KAZN: variants seen among roughly 807,000 people sequenced by gnomAD.
KAZN encodes the protein kazrin, periplakin interacting protein.
Under a neutral mutation model 87.4 loss-of-function variants are expected in KAZN, and 40 were observed. That is an observed-to-expected ratio of 0.46 (90% confidence interval 0.36 to 0.60). KAZN has a LOEUF of 0.60. KAZN is among the 20% of genes least tolerant of loss of function. The pLI is 0.00. For missense variants in KAZN, 898 were observed against 1,073.9 expected (o/e 0.84, Z 2.29); for synonymous variants, 466 against 458.3 (o/e 1.02, Z -0.22).
chr1:14,050,204 A>G (rs922016175), intron 1 of KAZN, among the ~76,000 whole-genome samples: 5 of 149,002 alleles, frequency 3.4e-5, no homozygotes, highest in African/African-American at 1.0e-4. Context: ...ATATGTGCAC[A>G]TGTGTGGGCA....
At chr1:14,928,750 C>G (rs975300867) in intron 1 of KAZN, among the ~76,000 whole-genome samples, 2 of 152,214 alleles carry the variant, frequency 1.3e-5, no homozygotes, top group African/African-American at 4.8e-5. Flanking sequence ...GAGCATACTT[C>G]TGCTAGCAGG....
At position 14,369,383 on chromosome 1, in the gene KAZN, T is replaced by C. The variant is rs116544246; in HGVS notation, c.249+188791T>C. 6.6e-3 allele frequency among the ~76,000 whole-genome samples: 1,012 copies of C among 152,268 alleles called. 11 individuals are homozygous for C. Among genetic ancestry groups the C allele is most frequent in the African/African-American group, 0.023 (959 of 41,550 alleles). ...ACCTTAAAGGATGTGCATGAGCCTA[T>C]TGTTTAAAATGCAGCCTCCACGAGA... is the stretch of plus-strand genomic sequence containing the variant. On this transcript the variant is annotated intron_variant, in intron 2 of 16. Coordinates refer to the KAZN transcript ENST00000636203.
intron 2 of KAZN, among the ~76,000 whole-genome samples, chr1:14,198,048 G>T (rs1646564931): frequency 6.6e-6 from 1 of 152,080 alleles, no homozygotes; most frequent in African/African-American, 2.4e-5. Context: ...AGTAGTTGTT[G>T]TAGTCGTAGT....
chr1:14,059,325 G>A (rs193157066), intron 1 of KAZN, among the ~76,000 whole-genome samples: 276 of 152,330 alleles, frequency 1.8e-3, no homozygotes, highest in African/African-American at 6.6e-3. Context: ...GTCTGTGGCT[G>A]AAGGCCTGAG....
chr1:14,693,593 C>T (rs1641441842), intron 1 of KAZN, among the ~76,000 whole-genome samples: 1 of 152,208 alleles, frequency 6.6e-6, no homozygotes, highest in African/African-American at 2.4e-5. Context: ...TGCCCATCAC[C>T]TTACCCTTGA....
chr1:14,024,728 G>T lies in KAZN; in HGVS notation c.91+130972G>T, dbSNP rs116244726. ...AAGGTGTGGGATAAACCCAGGGGAGGGAGTGGCACATTTGTATAAAGAAGC... is the reference window on the plus strand; with the variant it reads ...AAGGTGTGGGATAAACCCAGGGGAGTGAGTGGCACATTTGTATAAAGAAGC... On this transcript the variant is annotated intron_variant, in intron 1 of 16. Coordinates refer to the KAZN transcript ENST00000636203. Among the ~76,000 whole-genome samples the T allele has an allele frequency of 4.6e-3, 697 of 152,278 alleles. 8 individuals carry two copies. The highest frequency in any genetic ancestry group is 0.016 in the African/African-American group (667 of 41,550).
chr1:14,276,522 G>A (rs1233341180), intron 2 of KAZN, among the ~76,000 whole-genome samples: 2 of 152,134 alleles, frequency 1.3e-5, no homozygotes, highest in Admixed American at 6.5e-5. Flanking sequence ...GTTCCTCTGA[G>A]GGATGTGGAG....
intron 1 of KAZN, among the ~76,000 whole-genome samples, chr1:13,979,802 G>T (rs1026813021): frequency 2.0e-5 from 3 of 151,926 alleles, no homozygotes; most frequent in African/African-American, 4.8e-5. Context: ...GTAGTGGCAG[G>T]TGCCTGTAGT....
At chr1:15,007,420 A>T (rs1249516544) in intron 2 of KAZN, among the ~76,000 whole-genome samples, 1 of 152,230 alleles carries the variant, frequency 6.6e-6, no homozygotes, top group East Asian at 1.9e-4. Context: ...TGAGGTGCAG[A>T]CATTACGGTC....
At chr1:14,360,431 G>A (rs1162552547) in intron 2 of KAZN, among the ~76,000 whole-genome samples, 1 of 152,062 alleles carries the variant, frequency 6.6e-6, no homozygotes, top group African/African-American at 2.4e-5. Flanking sequence ...ACATTCTAAA[G>A]CCTACTTCTG....
intron 1 of KAZN, among the ~76,000 whole-genome samples, chr1:14,654,493 G>C (rs1638663866): frequency 6.6e-6 from 1 of 152,018 alleles, no homozygotes; most frequent in Non-Finnish European, 1.5e-5. Flanking sequence ...ACCAGGAGGA[G>C]AGGAGTTTCA....
intron 2 of KAZN, among the ~76,000 whole-genome samples, chr1:14,484,031 A>G (rs370262312): frequency 3.3e-5 from 5 of 152,204 alleles, no homozygotes; most frequent in African/African-American, 1.2e-4. Context: ...TCTTCTCCTC[A>G]TTGTACTTTC....
chr1:14,936,099 G>A (rs957467174), intron 1 of KAZN, among the ~76,000 whole-genome samples: 2 of 152,232 alleles, frequency 1.3e-5, no homozygotes, highest in Non-Finnish European at 2.9e-5. Context: ...CCAGTGTGTG[G>A]AAAGGCAGGG....
chr1:14,129,196 G>A (rs1644938024), intron 1 of KAZN, among the ~76,000 whole-genome samples: 1 of 152,100 alleles, frequency 6.6e-6, no homozygotes, highest in Non-Finnish European at 1.5e-5. Flanking sequence ...CAGTTGAATG[G>A]GTCTTTGTGC....
At chr1:14,748,692 T>G (rs1398354310) in intron 1 of KAZN, among the ~76,000 whole-genome samples, 1 of 152,210 alleles carries the variant, frequency 6.6e-6, no homozygotes, top group Admixed American at 6.5e-5. Context: ...GAAATGGAGC[T>G]AATAATAGTT....
chr1:14,633,096 A>C (rs977339220), intron 1 of KAZN, among the ~76,000 whole-genome samples: 1 of 151,888 alleles, frequency 6.6e-6, no homozygotes, highest in Non-Finnish European at 1.5e-5. Flanking sequence ...TTTGTATTTT[A>C]AGTAGATACA....
At chr1:14,414,665 G>T (rs1664600339) in intron 2 of KAZN, among the ~76,000 whole-genome samples, 1 of 152,102 alleles carries the variant, frequency 6.6e-6, no homozygotes, top group Non-Finnish European at 1.5e-5. Context: ...AGCAAAAATA[G>T]AAAACCATAC....
chr1:14,940,879 C>G (rs1221148954), intron 1 of KAZN, among the ~76,000 whole-genome samples: 7 of 141,890 alleles, frequency 4.9e-5, no homozygotes, highest in African/African-American at 8.0e-5. Flanking sequence ...AATGACCAGA[C>G]AGATGTCATT....
At chr1:15,061,622 C>T (rs1638804341) in intron 6 of KAZN, 1 of 152,234 alleles carries the variant, frequency 6.6e-6, no homozygotes, top group South Asian at 2.1e-4. Flanking sequence ...CAGGCTCAAA[C>T]AATTCTCCTG....
Sources: allele counts gnomAD v4.1 joint callset (sites outside exome capture counted in the v4.1 genomes callset), GRCh38; gene constraint gnomAD v4.1.1; transcripts MANE v1.5; gene names NCBI Gene and HGNC (gene_info 2026-07-23, HGNC 2026-07-21).